TGFBI: variants seen among roughly 807,000 people sequenced by gnomAD.
The protein encoded by TGFBI is transforming growth factor beta induced.
TGFBI carries 50 observed loss-of-function variants against 73.7 expected under a neutral mutation model. The ratio of observed to expected loss-of-function variants is 0.68; its 90% CI spans 0.54 to 0.86. The LOEUF is 0.86. Among genes scored for constraint, TGFBI ranks in the 40% least tolerant of loss-of-function variants. TGFBI has a pLI of 0.00. For synonymous variants in TGFBI, 362 were observed against 360.5 expected (o/e 1.00, Z -0.05); for missense variants, 839 against 877.0 (o/e 0.96, Z 0.55).
At chr5:136,049,060 T>G in intron 6 of TGFBI, 1 of 203,208 alleles carries the variant, frequency 4.9e-6, no homozygotes, top group Non-Finnish European at 1.0e-5. Flanking sequence ...AGACTCACCT[T>G]TGTCTGGCGG....
Position 136,054,754 on chromosome 5 carries a change from C to T in TGFBI, c.1303C>T (p.Leu435Phe), listed in dbSNP as rs746140236. ...AATTGATGCCCATACAAGGAATTTGCTTCGGAACCACATAATTAAAGACCA... is the reference window on the plus strand; with the variant it reads ...AATTGATGCCCATACAAGGAATTTGTTTCGGAACCACATAATTAAAGACCA... Reference protein sequence around the residue: ...PPIDAHTRNLLRNHIIKDQLA... With the variant: ...PPIDAHTRNLFRNHIIKDQLA... The change falls in exon 10 of 17, where the codon CTT (leucine) becomes TTT (phenylalanine). Residue 435 changes from leucine to phenylalanine, a missense_variant. By Grantham distance (22) the Leu-to-Phe change is conservative (BLOSUM62 0). Coordinates refer to ENST00000442011, the MANE Select transcript of TGFBI (RefSeq NM_000358.3). The T allele has an allele frequency of 6.2e-7, 1 of 1,613,842 alleles. No individual in the cohort carries two copies. The highest frequency in any genetic ancestry group is 8.5e-7 in the Non-Finnish European group (1 of 1,179,888).
chr5:136,034,185 G>A (rs1242884982), intron 2 of TGFBI, among the ~76,000 whole-genome samples: 2 of 151,994 alleles, frequency 1.3e-5, no homozygotes, highest in Non-Finnish European at 2.9e-5. Context: ...CAGTGGAGAA[G>A]CCACCAGCAT....
chr5:136,044,013 A>G, intron 2 of TGFBI, 45 bp from the exon 3 acceptor site: 2 of 1,556,186 alleles, frequency 1.3e-6, no homozygotes, highest in Non-Finnish European at 1.8e-6. Context: ...CCTGTGAGGA[A>G]CAGTGAAGCC....
chr5:136,049,828 T>C, intron 7 of TGFBI: 1 of 441,400 alleles, frequency 2.3e-6, no homozygotes, highest in Non-Finnish European at 4.1e-6. Context: ...AAGAGAGGCA[T>C]AGCTGGAGAC....
chr5:136,049,384 C>T, intron 6 of TGFBI, 55 bp from the exon 7 acceptor site: 5 of 1,595,610 alleles, frequency 3.1e-6, no homozygotes, highest in Non-Finnish European at 4.3e-6. Flanking sequence ...TGTGCATCTT[C>T]TGTGGGGAGT....
At chr5:136,047,611 T>A in intron 6 of TGFBI, 191 bp downstream of exon 6, 2 of 683,902 alleles carry the variant, frequency 2.9e-6, no homozygotes, top group South Asian at 1.9e-5. Flanking sequence ...CCTGTGAAAT[T>A]CTCCATCTTC....
chr5:136,036,791 A>G (rs1751230238), intron 2 of TGFBI, among the ~76,000 whole-genome samples: 3 of 152,316 alleles, frequency 2.0e-5, no homozygotes, highest in South Asian at 4.1e-4. Context: ...CATGAGGTCC[A>G]TAGGCAGTTG....
intron 1 of TGFBI, among the ~76,000 whole-genome samples, chr5:136,032,307 A>C (rs1055760678): frequency 6.6e-6 from 1 of 152,058 alleles, no homozygotes; most frequent in Non-Finnish European, 1.5e-5. Flanking sequence ...TCCTGGGCCC[A>C]CTCACTTTCA....
At position 136,063,578 on chromosome 5, in the gene TGFBI, G is replaced by A; in HGVS notation, c.*352G>A. 3.9e-6 allele frequency: 1 copy of A among 253,264 alleles called. No homozygotes were observed. 15.7% of individuals were successfully genotyped at this position (253,264 alleles called of 1,614,324 possible). A position where few individuals can be genotyped will look rare whatever the true frequency, so the allele number is the denominator to read the frequency against. On this transcript the variant is annotated 3_prime_UTR_variant, in exon 17 of 17. Coordinates refer to ENST00000442011, the MANE Select transcript of TGFBI (RefSeq NM_000358.3). Reference sequence around the variant, plus strand: ...GTGGGGCTCATAAAACATGAATCAAGCAATCCAGCCTCATGGGAAGTCCTG... The same window carrying A: ...GTGGGGCTCATAAAACATGAATCAAACAATCCAGCCTCATGGGAAGTCCTG...
At chr5:136,039,511 C>T (rs1198856128) in intron 2 of TGFBI, among the ~76,000 whole-genome samples, 1 of 152,194 alleles carries the variant, frequency 6.6e-6, no homozygotes, top group Non-Finnish European at 1.5e-5. Context: ...GCCTCCTCAG[C>T]ATCAGAGAAG....
rs1297252491 is a variant in TGFBI at position 136,053,110 on chromosome 5, C to G, written c.1117C>G (p.Pro373Ala). The change falls in exon 8 of 17, where the codon CCA becomes GCA. Residue 373 changes from proline (P) to alanine (A), a missense_variant. Coordinates refer to ENST00000442011, the MANE Select transcript of TGFBI (RefSeq NM_000358.3). ...VIHYIDELLI[P>A]DSAKTLFELA... ...CCACTACATTGATGAGCTACTCATC[C>G]CAGACTCAGGTAGGCCAGGCCTCCG... 1.9e-6 allele frequency: 3 copies of G among 1,613,788 alleles called. No homozygotes were observed. Among genetic ancestry groups the G allele is most frequent in the African/African-American group, 1.3e-5 (1 of 74,934 alleles).
intron 2 of TGFBI, among the ~76,000 whole-genome samples, chr5:136,036,408 T>C (rs1751221921): frequency 6.6e-6 from 1 of 152,218 alleles, no homozygotes; most frequent in African/African-American, 2.4e-5. Flanking sequence ...ATATAAAACT[T>C]CTAGGACAAG....
rs886059925 is a variant in TGFBI, at chr5:136,047,324, C to T, written c.675C>T (p.Thr225=). Residue 225 remains threonine (T), a synonymous_variant, in exon 6 of 17, where the codon ACC becomes ACT. Transcript: ENST00000442011. ...ARLLKADHHA[T]NGVVHLIDKV... ...TGCTGAAAGCCGACCACCATGCAAC[C>T]AACGGGGTGGTGCACCTCATCGATA... 1 of 1,613,768 alleles carries T rather than the reference C, an allele frequency of 6.2e-7. No homozygotes were observed. The highest frequency in any genetic ancestry group is 8.5e-7 in the Non-Finnish European group (1 of 1,179,864).
chr5:136,063,108 C>A (rs546229572), intron 16 of TGFBI, 78 bp from the exon 17 acceptor site: 4 of 1,395,666 alleles, frequency 2.9e-6, no homozygotes, highest in East Asian at 4.6e-5. Flanking sequence ...TGGCCCTGGT[C>A]CTTGAGATTC....
intron 14 of TGFBI, 22 bp downstream of exon 14, chr5:136,060,958 ACT>A (rs1017804054): frequency 4.0e-6 from 6 of 1,512,636 alleles, no homozygotes; most frequent in Non-Finnish European, 4.5e-6. Flanking sequence ...ATCCCCACTG[ACT>A]CTGCAGCCAG....
intron 9 of TGFBI, 35 bp from the exon 10 acceptor site, chr5:136,054,681 A>G: frequency 6.2e-7 from 1 of 1,613,748 alleles, no homozygotes; most frequent in Non-Finnish European, 8.5e-7. Context: ...GCAGGAGCAC[A>G]TCTCTCTGGA....
chr5:136,038,012 C>T (rs918270674), intron 2 of TGFBI, among the ~76,000 whole-genome samples: 9 of 152,146 alleles, frequency 5.9e-5, no homozygotes, highest in Non-Finnish European at 1.0e-4. Context: ...CATACTAGTG[C>T]CTCCTTTCCT....
Position 136,047,269 on chromosome 5 carries a change from G to A in TGFBI, c.625-5G>A. On this transcript the variant is annotated splice_region_variant and splice_polypyrimidine_tract_variant and intron_variant, in intron 5 of 16. Coordinates refer to ENST00000442011, the MANE Select transcript of TGFBI (RefSeq NM_000358.3). ...ACTGCTCATCCTTGCTGCTTCTCTG[G>A]GCAGATTGTAACTGTGAACTGTGCC... The A allele has an allele frequency of 1.9e-6, 3 of 1,613,550 alleles. No individual in the cohort carries two copies. In the South Asian group the frequency reaches 3.3e-5, roughly 18 times the overall value.
rs369735444 is a variant in TGFBI at position 136,060,945 on chromosome 5, C to T, written c.1906+9C>T. On this transcript the variant is annotated intron_variant, in intron 14 of 16. Coordinates refer to ENST00000442011, the MANE Select transcript of TGFBI (RefSeq NM_000358.3). ...TGTTCTGCAGCCTCCAGGTAAGTGT[C>T]GCATCCCCACTGACTCTGCAGCCAG... The T allele has an allele frequency of 2.8e-5, 43 of 1,547,470 alleles. No homozygotes were observed. The highest frequency in any genetic ancestry group is 1.4e-4 in the East Asian group (6 of 43,756).
Sources: allele counts gnomAD v4.1 joint callset (sites outside exome capture counted in the v4.1 genomes callset), GRCh38; gene constraint gnomAD v4.1.1; transcripts MANE v1.5; gene names NCBI Gene and HGNC (gene_info 2026-07-23, HGNC 2026-07-21).